The following SPECC1 variants were observed in gnomAD, a reference collection of about 807,000 sequenced individuals.
SPECC1 encodes cytospin-B.
A neutral mutation model predicts 104.1 loss-of-function variants in SPECC1; 62 were observed. The observed-to-expected ratio is 0.60, with a 90% CI of 0.49 to 0.74. SPECC1 has a LOEUF of 0.74. SPECC1 is among the 30% of genes least tolerant of loss of function. The pLI is 0.00. For synonymous variants in SPECC1, 513 were observed against 501.6 expected (o/e 1.02, Z -0.30); for missense variants, 1,306 against 1,310.5 (o/e 1.00, Z 0.05).
At chr17:20,039,543 A>G (rs2045236867) in intron 1 of SPECC1, among the ~76,000 whole-genome samples, 1 of 152,186 alleles carries the variant, frequency 6.6e-6, no homozygotes, top group African/African-American at 2.4e-5. Context: ...ATATGTTGGT[A>G]TATTTAAAGC....
At chr17:20,057,420 A>C (rs2046009064) in intron 1 of SPECC1, among the ~76,000 whole-genome samples, 1 of 152,152 alleles carries the variant, frequency 6.6e-6, no homozygotes, top group African/African-American at 2.4e-5. Context: ...CAGCCTGGGC[A>C]ACAGAGTGAG....
chr17:20,214,196 C>T (rs1336967692), intron 4 of SPECC1, among the ~76,000 whole-genome samples: 2 of 152,212 alleles, frequency 1.3e-5, no homozygotes, highest in Non-Finnish European at 2.9e-5. Context: ...AGAGTTCTTT[C>T]TATTCTTTGG....
At chr17:20,220,972 T>C (rs921517209) in intron 4 of SPECC1, among the ~76,000 whole-genome samples, 5 of 152,300 alleles carry the variant, frequency 3.3e-5, no homozygotes, top group African/African-American at 1.2e-4. Context: ...TGATACCACA[T>C]TGCATATGTC....
At chr17:20,231,058 A>G (rs989639640) in intron 5 of SPECC1, among the ~76,000 whole-genome samples, 2 of 152,208 alleles carry the variant, frequency 1.3e-5, no homozygotes, top group African/African-American at 4.8e-5. Flanking sequence ...ACACCATCAG[A>G]TTTAAATTTG....
intron 3 of SPECC1, among the ~76,000 whole-genome samples, chr17:20,182,201 C>CGATGA (rs1021363946): frequency 1.1e-4 from 16 of 148,182 alleles, no homozygotes; most frequent in African/African-American, 4.0e-4. Flanking sequence ...GGAGCCTCAT[C>CGATGA]CTCCAGGGCC....
At chr17:20,087,788 A>C (rs973379416) in intron 1 of SPECC1, among the ~76,000 whole-genome samples, 1 of 152,260 alleles carries the variant, frequency 6.6e-6, no homozygotes, top group Non-Finnish European at 1.5e-5. Context: ...AATCAATGGC[A>C]GATAATCGAT....
intron 12 of SPECC1, among the ~76,000 whole-genome samples, chr17:20,265,268 G>A (rs972119862): frequency 2.0e-4 from 30 of 152,230 alleles, no homozygotes; most frequent in African/African-American, 5.8e-4. Context: ...CCTCGCTAGC[G>A]TCTGCTATTT....
At chr17:20,276,115 T>C (rs2040566335) in intron 12 of SPECC1, among the ~76,000 whole-genome samples, 1 of 152,202 alleles carries the variant, frequency 6.6e-6, no homozygotes, top group Non-Finnish European at 1.5e-5. Context: ...TTCTTTCCTT[T>C]CTTCTCTTTT....
At chr17:20,109,351 G>A (rs1056807630) in intron 2 of SPECC1, among the ~76,000 whole-genome samples, 2 of 152,198 alleles carry the variant, frequency 1.3e-5, no homozygotes, top group African/African-American at 4.8e-5. Flanking sequence ...GACAGCTTTG[G>A]GCAGCTGCCT....
chr17:20,290,672 G>A lies in SPECC1; in HGVS notation c.2941-6289G>A, dbSNP rs145146274. 8.0e-3 allele frequency among the ~76,000 whole-genome samples: 1,211 copies of A among 152,130 alleles called. 18 individuals carry two copies. Among genetic ancestry groups the A allele is most frequent in the African/African-American group, 0.028 (1,152 of 41,498 alleles). On this transcript the variant is annotated intron_variant, in intron 12 of 14. Transcript: ENST00000395527. ...TGGGATTACAGGCACACACCACCAT[G>A]CCTGGCTAATTTTTAAATTTTTTTG...
At chr17:20,144,670 A>G (rs139056181) in intron 3 of SPECC1, among the ~76,000 whole-genome samples, 12 of 152,154 alleles carry the variant, frequency 7.9e-5, no homozygotes, top group African/African-American at 2.2e-4. Flanking sequence ...GGGTCTTGCT[A>G]TGTTGCTTAG....
intron 2 of SPECC1, among the ~76,000 whole-genome samples, chr17:20,103,123 G>A (rs970281668): frequency 4.6e-5 from 7 of 152,208 alleles, no homozygotes; most frequent in South Asian, 2.1e-4. Flanking sequence ...GTGCTGCCAC[G>A]TGACATAGCT....
chr17:20,244,914 A>G lies in SPECC1; in HGVS notation c.2352-1012A>G, dbSNP rs549296584. Reference sequence around the variant, plus strand: ...ATCACATGACATGCCAAAGTCCCCTATATGAGGAAGCCATGCATTGAGAGG... The same window carrying G: ...ATCACATGACATGCCAAAGTCCCCTGTATGAGGAAGCCATGCATTGAGAGG... On this transcript the variant is annotated intron_variant, in intron 7 of 14. Coordinates refer to ENST00000395527, the MANE Select transcript of SPECC1 (RefSeq NM_001243439.2). Among the ~76,000 whole-genome samples the G allele has an allele frequency of 3.3e-5, 5 of 152,336 alleles. No individual in the cohort carries two copies. The South Asian group carries it at 1.0e-3, about 32-fold the overall frequency.
At chr17:20,278,689 G>A (rs1213930586) in intron 12 of SPECC1, among the ~76,000 whole-genome samples, 4 of 144,262 alleles carry the variant, frequency 2.8e-5, no homozygotes, top group Non-Finnish European at 4.5e-5. Context: ...GGGTGACAGA[G>A]TGAGACCCTG....
chr17:20,060,757 T>C lies in SPECC1; in HGVS notation c.-21-35874T>C, dbSNP rs543390353. ...ATTTATGCCACTCACCATGTGACTT[T>C]TATACTTCATCAAATCATTTTGCTC... On this transcript the variant is annotated intron_variant, in intron 1 of 14. Transcript: ENST00000395527. Among the ~76,000 whole-genome samples, 15 of 152,344 alleles carry C rather than the reference T, an allele frequency of 9.8e-5. No homozygotes were observed. The South Asian group carries it at 2.9e-3, about 29-fold the overall frequency.
At chr17:20,266,653 C>T (rs895082376) in intron 12 of SPECC1, among the ~76,000 whole-genome samples, 2 of 152,192 alleles carry the variant, frequency 1.3e-5, no homozygotes, top group African/African-American at 2.4e-5. Flanking sequence ...AGTCCCTGCT[C>T]TCATGGAACT....
chr17:20,199,383 GTTTTTTTTTTTTTTTT>G (rs3077216), intron 3 of SPECC1, among the ~76,000 whole-genome samples: 2 of 62,432 alleles, frequency 3.2e-5, no homozygotes, highest in African/African-American at 7.5e-5. Context: ...CACCGTGCTG[GTTTTTTTTTTTTTTTT>G]TTTTTTTTTT....
intron 1 of SPECC1, among the ~76,000 whole-genome samples, chr17:20,075,282 A>T (rs1453133327): frequency 1.3e-5 from 2 of 152,134 alleles, no homozygotes; most frequent in Middle Eastern, 3.2e-3. Flanking sequence ...TGATTCTCCC[A>T]GCAGCCCCAT....
At chr17:20,297,980 C>A (rs547748131) in intron 13 of SPECC1, among the ~76,000 whole-genome samples, 1 of 152,264 alleles carries the variant, frequency 6.6e-6, no homozygotes, top group South Asian at 2.1e-4. Flanking sequence ...GTCTAAGAGC[C>A]CAGAGAGAAA....
Sources: allele counts gnomAD v4.1 joint callset (sites outside exome capture counted in the v4.1 genomes callset), GRCh38; gene constraint gnomAD v4.1.1; transcripts MANE v1.5; gene names NCBI Gene and HGNC (gene_info 2026-07-23, HGNC 2026-07-21).